The following CCDC85A variants were observed in gnomAD, a reference collection of about 807,000 sequenced individuals.
The protein encoded by CCDC85A is coiled-coil domain containing 85A.
CCDC85A carries 38 observed loss-of-function variants against 50.2 expected under a neutral mutation model. The ratio of observed to expected loss-of-function variants is 0.76; its 90% CI spans 0.58 to 0.99. The LOEUF (loss-of-function observed/expected upper bound fraction) is 0.99, where lower values mean the gene tolerates loss of function less well. Among genes scored for constraint, CCDC85A ranks in the 50% least tolerant of loss-of-function variants. CCDC85A has a pLI of 0.00. For synonymous variants in CCDC85A, 366 were observed against 301.4 expected, an observed-to-expected ratio of 1.21 and a Z score of -2.22; for missense variants, 820 against 742.0, an observed-to-expected ratio of 1.11 and a Z score of -1.22.
chr2:56,217,035 T>C (rs1668079311), intron 2 of CCDC85A, among the ~76,000 whole-genome samples: 1 of 151,942 alleles, frequency 6.6e-6, no homozygotes, highest in Non-Finnish European at 1.5e-5. Flanking sequence ...AAGTTGCCAA[T>C]GTCAAAGGCT....
At chr2:56,332,912 GA>G (rs1308070531) in intron 2 of CCDC85A, among the ~76,000 whole-genome samples, 7 of 152,218 alleles carry the variant, frequency 4.6e-5, no homozygotes, top group Non-Finnish European at 8.8e-5. Context: ...TGAAATAATG[GA>G]AAAGTATAGG....
chr2:56,198,109 A>G (rs1159157706), intron 2 of CCDC85A, among the ~76,000 whole-genome samples: 1 of 152,248 alleles, frequency 6.6e-6, no homozygotes, highest in Non-Finnish European at 1.5e-5. Context: ...AAATGTTGAT[A>G]ACACAAAGTG....
At chr2:56,249,713 G>A (rs1197181831) in intron 2 of CCDC85A, among the ~76,000 whole-genome samples, 2 of 152,200 alleles carry the variant, frequency 1.3e-5, no homozygotes, top group Non-Finnish European at 2.9e-5. Flanking sequence ...CAAATTTGCA[G>A]AGGGGCTGGT....
Position 56,348,957 on chromosome 2 carries a change from G to C in CCDC85A, c.1317+6002G>C, listed in dbSNP as rs539122195. Reference sequence around the variant, plus strand: ...TAGAGTTGGAATTGCTCTGAAAAATGAAAATCTGTAACTGTTGTACAAAAA... The same window carrying C: ...TAGAGTTGGAATTGCTCTGAAAAATCAAAATCTGTAACTGTTGTACAAAAA... On this transcript the variant is annotated intron_variant, in intron 3 of 5. Transcript: ENST00000407595. Among the ~76,000 whole-genome samples the C allele has an allele frequency of 2.0e-5, 3 of 152,254 alleles. No homozygotes were observed. In the East Asian group the frequency reaches 5.8e-4, roughly 29 times the overall value.
intron 2 of CCDC85A, among the ~76,000 whole-genome samples, chr2:56,322,456 A>T (rs572997950): frequency 5.3e-5 from 8 of 152,342 alleles, no homozygotes; most frequent in African/African-American, 1.9e-4. Context: ...AGAAAAAATC[A>T]AACAACCCCA....
At chr2:56,344,589 AT>A (rs1674539390) in intron 3 of CCDC85A, among the ~76,000 whole-genome samples, 1 of 152,158 alleles carries the variant, frequency 6.6e-6, no homozygotes, top group African/African-American at 2.4e-5. Flanking sequence ...GACAGAAGAG[AT>A]TGTGTCATGA....
chr2:56,316,788 C>CAAAT (rs758570713), intron 2 of CCDC85A, among the ~76,000 whole-genome samples: 4 of 152,032 alleles, frequency 2.6e-5, no homozygotes, highest in Non-Finnish European at 5.9e-5. Flanking sequence ...CTGAAGATTC[C>CAAAT]CACTTCTGTT....
intron 2 of CCDC85A, among the ~76,000 whole-genome samples, chr2:56,332,561 T>C (rs778626401): frequency 2.0e-5 from 3 of 152,158 alleles, no homozygotes; most frequent in Non-Finnish European, 4.4e-5. Flanking sequence ...CATACTTATT[T>C]TGGAGGGACA....
At chr2:56,209,416 G>A (rs1049566201) in intron 2 of CCDC85A, among the ~76,000 whole-genome samples, 5 of 86,696 alleles carry the variant, frequency 5.8e-5, no homozygotes, top group Admixed American at 1.5e-4. Context: ...ATAGAAGTCT[G>A]TTCCTTTTTT....
At chr2:56,287,321 C>T (rs973321958) in intron 2 of CCDC85A, among the ~76,000 whole-genome samples, 3 of 152,194 alleles carry the variant, frequency 2.0e-5, no homozygotes, top group African/African-American at 7.2e-5. Flanking sequence ...CTTCAATTTG[C>T]ATCTCCTCAG....
chr2:56,202,299 G>A, intron 2 of CCDC85A, among the ~76,000 whole-genome samples: 1 of 152,160 alleles, frequency 6.6e-6, no homozygotes, highest in Non-Finnish European at 1.5e-5. Context: ...CAGCTGGATG[G>A]ACAACTACCA....
At chr2:56,352,560 G>C (rs940030427) in intron 3 of CCDC85A, among the ~76,000 whole-genome samples, 14 of 152,064 alleles carry the variant, frequency 9.2e-5, no homozygotes, top group Admixed American at 9.2e-4. Flanking sequence ...TGGCCAGGGT[G>C]GTCTCAAACT....
intron 2 of CCDC85A, among the ~76,000 whole-genome samples, chr2:56,202,575 A>G (rs1241230753): frequency 6.6e-6 from 1 of 152,224 alleles, no homozygotes; most frequent in African/African-American, 2.4e-5. Context: ...GATGGGCCAG[A>G]TGGCAACACC....
intron 5 of CCDC85A, among the ~76,000 whole-genome samples, chr2:56,381,375 A>G (rs1364365935): frequency 6.6e-6 from 1 of 152,108 alleles, no homozygotes; most frequent in African/African-American, 2.4e-5. Flanking sequence ...GAAAGTTCAG[A>G]CAATAGGAAC....
At chr2:56,209,150 G>A (rs370648182) in intron 2 of CCDC85A, among the ~76,000 whole-genome samples, 29 of 152,164 alleles carry the variant, frequency 1.9e-4, no homozygotes, top group African/African-American at 5.8e-4. Flanking sequence ...ATTCAGTCTC[G>A]ATATGATAAT....
chr2:56,256,482 A>G (rs924999966), intron 2 of CCDC85A, among the ~76,000 whole-genome samples: 6 of 152,232 alleles, frequency 3.9e-5, no homozygotes, highest in African/African-American at 1.4e-4. Context: ...TGAATTACCT[A>G]AAGAAAATTC....
intron 2 of CCDC85A, among the ~76,000 whole-genome samples, chr2:56,295,652 C>T (rs1479191990): frequency 6.6e-6 from 1 of 152,180 alleles, no homozygotes; most frequent in Non-Finnish European, 1.5e-5. Flanking sequence ...GTTTCTGCCA[C>T]TCACTATCAT....
At chr2:56,234,077 A>G (rs1668894086) in intron 2 of CCDC85A, among the ~76,000 whole-genome samples, 2 of 152,210 alleles carry the variant, frequency 1.3e-5, no homozygotes, top group Non-Finnish European at 1.5e-5. Flanking sequence ...AAGGCTAGCT[A>G]GAACATCTTT....
intron 3 of CCDC85A, among the ~76,000 whole-genome samples, chr2:56,365,331 T>C (rs958862095): frequency 1.3e-5 from 2 of 152,240 alleles, no homozygotes; most frequent in African/African-American, 4.8e-5. Context: ...GCCACAGTTA[T>C]GTGCCTGGAG....
Sources: allele counts gnomAD v4.1 joint callset (sites outside exome capture counted in the v4.1 genomes callset), GRCh38; gene constraint gnomAD v4.1.1; transcripts MANE v1.5; gene names NCBI Gene and HGNC (gene_info 2026-07-23, HGNC 2026-07-21).